TTBK2: variants seen among roughly 807,000 people sequenced by gnomAD.
The protein encoded by TTBK2 is tau tubulin kinase 2.
Under a neutral mutation model 110.8 loss-of-function variants are expected in TTBK2, and 28 were observed. The ratio of observed to expected loss-of-function variants is 0.25; its 90% CI spans 0.19 to 0.35. The LOEUF is 0.35. Ranked by LOEUF, TTBK2 falls within the 10% of genes least tolerant of loss-of-function variation. TTBK2 has a pLI of 1.00. For synonymous variants in TTBK2, 532 were observed against 527.3 expected (o/e 1.01, Z -0.12); for missense variants, 1,369 against 1,500.3 (o/e 0.91, Z 1.45).
At chr15:42,867,040 C>T (rs1003379103) in intron 3 of TTBK2, among the ~76,000 whole-genome samples, 1 of 151,772 alleles carries the variant, frequency 6.6e-6, no homozygotes, top group East Asian at 1.9e-4. Flanking sequence ...GTCAGGAGAT[C>T]GAGACCATCC....
At chr15:42,880,465 T>C (rs181941952) in intron 1 of TTBK2, among the ~76,000 whole-genome samples, 32 of 152,300 alleles carry the variant, frequency 2.1e-4, no homozygotes, top group South Asian at 1.0e-3. Context: ...TAGCTCATTA[T>C]ATCCTTGAAC....
At chr15:42,845,995 C>T (rs993874073) in intron 3 of TTBK2, among the ~76,000 whole-genome samples, 2 of 152,004 alleles carry the variant, frequency 1.3e-5, no homozygotes, top group Admixed American at 6.6e-5. Context: ...ATAGGACCAC[C>T]GTCTGTCACT....
At chr15:42,789,469 C>G (rs973169486) in intron 10 of TTBK2, among the ~76,000 whole-genome samples, 2 of 152,160 alleles carry the variant, frequency 1.3e-5, no homozygotes, top group African/African-American at 4.8e-5. Context: ...TGTAGCGGCT[C>G]ATGCCTGTAA....
intron 3 of TTBK2, chr15:42,857,356 A>G (rs1037610945): frequency 1.3e-5 from 2 of 152,054 alleles, no homozygotes; most frequent in African/African-American, 4.8e-5. Context: ...TATCTACAAA[A>G]ATTTTTTTAA....
At chr15:42,784,602 A>G (rs1443257345) in intron 10 of TTBK2, among the ~76,000 whole-genome samples, 2 of 152,210 alleles carry the variant, frequency 1.3e-5, no homozygotes, top group Non-Finnish European at 2.9e-5. Context: ...TAAAAATTCT[A>G]AACAGGAAAA....
intron 10 of TTBK2, among the ~76,000 whole-genome samples, chr15:42,792,331 T>C (rs777618763): frequency 2.6e-5 from 4 of 152,228 alleles, no homozygotes; most frequent in African/African-American, 7.2e-5. Flanking sequence ...TGTGTAGCCA[T>C]AAATAATTCT....
intron 9 of TTBK2, among the ~76,000 whole-genome samples, chr15:42,805,122 G>A (rs1488840687): frequency 6.6e-6 from 1 of 152,172 alleles, no homozygotes; most frequent in Non-Finnish European, 1.5e-5. Context: ...ACTGTCCTAG[G>A]TGCTGGGAAT....
intron 1 of TTBK2, among the ~76,000 whole-genome samples, chr15:42,890,152 G>A (rs893790968): frequency 6.6e-6 from 1 of 152,100 alleles, no homozygotes; most frequent in Non-Finnish European, 1.5e-5. Context: ...CCTTGAGAAT[G>A]TACTTTGTGA....
chr15:42,807,127 T>C (rs1417331823), intron 9 of TTBK2, among the ~76,000 whole-genome samples: 2 of 152,240 alleles, frequency 1.3e-5, no homozygotes, highest in Non-Finnish European at 2.9e-5. Context: ...TGCATTTTTA[T>C]GTAATCTACA....
chr15:42,865,330 C>T (rs767706882), intron 3 of TTBK2, among the ~76,000 whole-genome samples: 9 of 151,836 alleles, frequency 5.9e-5, no homozygotes, highest in Non-Finnish European at 7.4e-5. Flanking sequence ...CACAGTGGCA[C>T]GCATCTGTAG....
rs1185667108 is a variant in TTBK2, at chr15:42,783,528, A to C, written c.1088T>G (p.Val363Gly). 4 of 1,614,182 alleles carry C rather than the reference A, an allele frequency of 2.5e-6. No individual in the cohort carries two copies. The highest frequency in any genetic ancestry group is 3.4e-6 in the Non-Finnish European group (4 of 1,180,038). ...AGATCCAGGCAATTTATCTGGTGAC[A>C]CACCAACAGGGATGCCATTTTCTCC... ...SDGENGIPVG[V>G]SPDKLPGSLG... The change falls in exon 11 of 15, where the codon GTG becomes GGG. Residue 363 changes from valine (V) to glycine (G), a missense_variant. Coordinates refer to ENST00000267890, the MANE Select transcript of TTBK2 (RefSeq NM_173500.4).
At chr15:42,888,416 A>T (rs932722188) in intron 1 of TTBK2, among the ~76,000 whole-genome samples, 6 of 151,298 alleles carry the variant, frequency 4.0e-5, no homozygotes, top group African/African-American at 1.5e-4. Context: ...ATTTCCCCAT[A>T]TTTCCTTCTT....
chr15:42,888,961 A>G (rs1339047888), intron 1 of TTBK2, among the ~76,000 whole-genome samples: 2 of 152,094 alleles, frequency 1.3e-5, no homozygotes, highest in South Asian at 2.1e-4. Context: ...CTCTTCTCAC[A>G]CAAGACAAAT....
At chr15:42,824,320 C>T (rs1237261360) in intron 6 of TTBK2, among the ~76,000 whole-genome samples, 2 of 152,118 alleles carry the variant, frequency 1.3e-5, no homozygotes, top group Non-Finnish European at 1.5e-5. Context: ...CCCACCAAAA[C>T]GTGCATGTTG....
intron 2 of TTBK2, among the ~76,000 whole-genome samples, chr15:42,874,605 C>G (rs1336167579): frequency 6.6e-6 from 1 of 151,820 alleles, no homozygotes; most frequent in Non-Finnish European, 1.5e-5. Flanking sequence ...GCGTGAGCCA[C>G]CACACCCGGC....
intron 2 of TTBK2, among the ~76,000 whole-genome samples, 189 bp from the exon 3 acceptor site, chr15:42,872,947 T>C (rs967695871): frequency 6.6e-6 from 1 of 152,154 alleles, no homozygotes; most frequent in Non-Finnish European, 1.5e-5. Context: ...ATCAAAACCT[T>C]TCCCCACAGG....
intron 2 of TTBK2, among the ~76,000 whole-genome samples, chr15:42,873,013 G>A (rs1393324282): frequency 6.6e-6 from 1 of 152,056 alleles, no homozygotes; most frequent in East Asian, 1.9e-4. Flanking sequence ...TTAAAATTTG[G>A]TCAACAGCCA....
intron 2 of TTBK2, among the ~76,000 whole-genome samples, chr15:42,875,851 A>G (rs2141125665): frequency 7.0e-6 from 1 of 143,434 alleles, no homozygotes; most frequent in East Asian, 2.1e-4. Flanking sequence ...GGCTGCAGTG[A>G]GCTGAGATCA....
chr15:42,873,864 C>T (rs1029288458), intron 2 of TTBK2, among the ~76,000 whole-genome samples: 2 of 152,190 alleles, frequency 1.3e-5, no homozygotes, highest in African/African-American at 4.8e-5. Flanking sequence ...TGTAGGAAGT[C>T]ATCATAGGCA....
Sources: gnomAD v4.1 joint callset for allele counts (sites outside exome capture counted in the v4.1 genomes callset) on GRCh38, gnomAD v4.1.1 for gene constraint, MANE v1.5 for transcripts, NCBI Gene and HGNC (gene_info 2026-07-23, HGNC 2026-07-21) for gene names.